The following COL4A6 variants were observed in gnomAD, a reference collection of about 807,000 sequenced individuals.
COL4A6 encodes the protein collagen type IV alpha 6 chain, also known as collagen alpha-6(IV) chain.
COL4A6 carries 59 observed loss-of-function variants against 126.7 expected under a neutral mutation model. The ratio of observed to expected loss-of-function variants is 0.47; its 90% confidence interval spans 0.38 to 0.58. The LOEUF (loss-of-function observed/expected upper bound fraction) is 0.58, where lower values mean the gene tolerates loss of function less well. Among genes scored for constraint, COL4A6 ranks in the 20% least tolerant of loss-of-function variants. COL4A6 has a pLI of 0.00. For missense variants in COL4A6, 1,285 were observed against 1,337.3 expected, an observed-to-expected ratio of 0.96 and a Z score of 0.61; for synonymous variants, 547 against 496.6, an observed-to-expected ratio of 1.10 and a Z score of -1.35.
At chrX:108,243,593 T>A (rs2036634559) in intron 3 of COL4A6, among the ~76,000 whole-genome samples, 1 of 112,004 alleles carries the variant, frequency 8.9e-6, no homozygotes, top group African/African-American at 3.2e-5. Context: ...ACCTAGTCTA[T>A]GGAATTTTGT....
chrX:108,364,753 C>A (rs1012194195), intron 2 of COL4A6, among the ~76,000 whole-genome samples: 3 of 111,749 alleles, frequency 2.7e-5, no homozygotes, highest in African/African-American at 9.8e-5. Flanking sequence ...GACATTATTG[C>A]ATTATTTTTA....
chrX:108,247,701 G>A (rs957903116), intron 3 of COL4A6, among the ~76,000 whole-genome samples: 1 of 110,919 alleles, frequency 9.0e-6, no homozygotes, highest in Non-Finnish European at 1.9e-5. Context: ...TTGCATTTCC[G>A]GCATGAAGTT....
intron 3 of COL4A6, among the ~76,000 whole-genome samples, chrX:108,237,350 C>G (rs1274843860): frequency 8.9e-6 from 1 of 111,907 alleles, no homozygotes; most frequent in Non-Finnish European, 1.9e-5. Flanking sequence ...TCCCACCTGT[C>G]TTTGCAGGCT....
chrX:108,405,556 C>T (rs1333020178), intron 2 of COL4A6, among the ~76,000 whole-genome samples: 2 of 111,440 alleles, frequency 1.8e-5, no homozygotes, highest in East Asian at 5.6e-4. Context: ...TTGGTGTAAG[C>T]ACTCAAGAAA....
rs781291418 is a variant in COL4A6 at position 108,280,952 on chromosome X, G to T, written c.144+29796C>A. On this transcript the variant is annotated intron_variant, in intron 3 of 44. Transcript: ENST00000334504. ...TTTGACAAAATTCAACAACCCTTCA[G>T]GCTAAAAACTCTCAATAAATTAGGT... Among the ~76,000 whole-genome samples the T allele has an allele frequency of 1.1e-4, 12 of 111,104 alleles. No individual in the cohort carries two copies. The East Asian group carries it at 1.4e-3, about 13-fold the overall frequency.
intron 24 of COL4A6, 63 bp downstream of exon 24, chrX:108,180,834 G>A (rs184868254): frequency 3.7e-6 from 4 of 1,079,079 alleles, no homozygotes; most frequent in Non-Finnish European, 5.1e-6. Context: ...GCTATCCTCT[G>A]CTTCCTTTGC....
At chrX:108,387,570 C>A (rs5929120) in intron 2 of COL4A6, among the ~76,000 whole-genome samples, 25,458 of 111,107 alleles carry the variant, frequency 0.23, 2,710 homozygotes, top group Non-Finnish European at 0.33. Flanking sequence ...GATTTTGTAT[C>A]CTGAGACTTT....
intron 3 of COL4A6, among the ~76,000 whole-genome samples, chrX:108,277,773 G>A (rs1263826832): frequency 7.2e-5 from 8 of 111,462 alleles, no homozygotes; most frequent in African/African-American, 2.3e-4. Context: ...TCACATGGCC[G>A]GGTACTCCTC....
intron 28 of COL4A6, among the ~76,000 whole-genome samples, chrX:108,176,095 C>T (rs917531079): frequency 5.4e-5 from 6 of 110,442 alleles, no homozygotes; most frequent in Admixed American, 4.8e-4. Context: ...GAAGGTGAGG[C>T]GGGTGGATCA....
intron 2 of COL4A6, among the ~76,000 whole-genome samples, chrX:108,360,571 T>A (rs1206635098): frequency 1.9e-5 from 2 of 105,339 alleles, no homozygotes; most frequent in Non-Finnish European, 3.9e-5. Flanking sequence ...AGTCTTGCTC[T>A]TGTCACTCAG....
At chrX:108,202,827 T>C (rs2035424753) in intron 13 of COL4A6, 101 bp downstream of exon 13, 1 of 666,237 alleles carries the variant, frequency 1.5e-6, no homozygotes, top group Admixed American at 2.5e-5. Flanking sequence ...TGGCATTCTC[T>C]ACAATATCCA....
In COL4A6 at chrX:108,198,565, C is replaced by G. The variant is rs769934981; in HGVS notation, c.835-1986G>C. ...ACTTGTCTCCCAGAATAGGGAGGCA[C>G]TGTACAGGGACCCTGCTGAACAAGC... On this transcript the variant is annotated intron_variant, in intron 13 of 44. Coordinates refer to ENST00000334504, the MANE Select transcript of COL4A6 (RefSeq NM_033641.4). Among the ~76,000 whole-genome samples, 3 of 111,753 alleles carry G rather than the reference C, an allele frequency of 2.7e-5. No homozygotes were observed. The East Asian group carries it at 8.5e-4, about 32-fold the overall frequency.
intron 2 of COL4A6, among the ~76,000 whole-genome samples, chrX:108,332,810 T>C (rs1048698343): frequency 8.9e-6 from 1 of 111,744 alleles, no homozygotes; most frequent in African/African-American, 3.2e-5. Flanking sequence ...GTCAATTATT[T>C]CTTTTGCTGT....
chrX:108,313,686 GA>G (rs927776492), intron 2 of COL4A6, among the ~76,000 whole-genome samples: 13 of 106,258 alleles, frequency 1.2e-4, no homozygotes, highest in East Asian at 5.9e-4. Flanking sequence ...GTATTGCAAA[GA>G]AAAAAAAAGA....
intron 21 of COL4A6, 103 bp from the exon 22 acceptor site, chrX:108,188,130 G>A (rs981146148): frequency 1.6e-6 from 1 of 635,415 alleles, no homozygotes; most frequent in Non-Finnish European, 2.4e-6. Context: ...GGTACATATT[G>A]GCACTGTTCT....
At chrX:108,377,825 C>T (rs1382996897) in intron 2 of COL4A6, among the ~76,000 whole-genome samples, 1 of 106,027 alleles carries the variant, frequency 9.4e-6, no homozygotes, top group Non-Finnish European at 1.9e-5. Flanking sequence ...ACCTGTAGTC[C>T]TAGCTACTAG....
Position 108,169,058 on chromosome X carries a change from C to G in COL4A6, c.3691+437G>C, listed in dbSNP as rs145425627. The stretch of plus-strand genomic sequence containing the variant: ...ATGCTGTGGTTCTGTCCGGTGGAGA[C>G]TTGTATCATCTTAGTCTTGGGATCC... On this transcript the variant is annotated intron_variant, in intron 37 of 44. Transcript: ENST00000334504. Among the ~76,000 whole-genome samples, 59 of 111,090 alleles carry G rather than the reference C, an allele frequency of 5.3e-4. 1 individual carries two copies. In the East Asian group the frequency reaches 0.015, roughly 29 times the overall value.
chrX:108,309,178 T>G (rs2038700246), intron 3 of COL4A6, among the ~76,000 whole-genome samples: 1 of 111,355 alleles, frequency 9.0e-6, no homozygotes, highest in African/African-American at 3.3e-5. Flanking sequence ...TTGTCTATAC[T>G]GCTTGCATGT....
At chrX:108,297,967 A>G (rs73524847) in intron 3 of COL4A6, among the ~76,000 whole-genome samples, 1,307 of 107,308 alleles carry the variant, frequency 0.012, 31 homozygotes, top group African/African-American at 0.042. Context: ...GTGAGTACAC[A>G]CACCACACAC....
Sources: allele counts gnomAD v4.1 joint callset (sites outside exome capture counted in the v4.1 genomes callset), GRCh38; gene constraint gnomAD v4.1.1; transcripts MANE v1.5; gene names NCBI Gene and HGNC (gene_info 2026-07-23, HGNC 2026-07-21).